Variants in CCT4 observed in about 807,000 individuals in gnomAD.
CCT4 encodes chaperonin containing TCP1 subunit 4.
A neutral mutation model predicts 62.5 loss-of-function variants in CCT4; 17 were observed. The ratio of observed to expected loss-of-function variants is 0.27; its 90% CI spans 0.19 to 0.41. The LOEUF is 0.41. Ranked by LOEUF, CCT4 falls within the 10% of genes least tolerant of loss-of-function variation. The pLI, the probability that CCT4 is intolerant of heterozygous loss-of-function variation, is 1.00. For synonymous variants in CCT4, 250 were observed against 229.9 expected (o/e 1.09, Z -0.79); for missense variants, 592 against 659.2 (o/e 0.90, Z 1.12).
chr2:61,870,601 T>G (rs1440255071), intron 12 of CCT4, among the ~76,000 whole-genome samples: 1 of 152,118 alleles, frequency 6.6e-6, no homozygotes, highest in African/African-American at 2.4e-5. Flanking sequence ...TCTTAAAATG[T>G]TCATGTCCTT....
intron 6 of CCT4, 76 bp from the exon 7 acceptor site, chr2:61,877,128 A>G: frequency 1.5e-6 from 2 of 1,309,820 alleles, no homozygotes; most frequent in African/African-American, 1.5e-5. Flanking sequence ...GAACAGATTA[A>G]AAGTCATCAG....
chr2:61,879,080 T>C, intron 4 of CCT4, 69 bp from the exon 5 acceptor site: 1 of 1,205,240 alleles, frequency 8.3e-7, no homozygotes, highest in Non-Finnish European at 1.2e-6. Context: ...GGCTTAAAAA[T>C]TTTCTACTCA....
chr2:61,868,677 A>G lies in CCT4; in HGVS notation c.*15T>C. The G allele has an allele frequency of 6.3e-7, 1 of 1,578,448 alleles. No individual in the cohort carries two copies. The highest frequency in any genetic ancestry group is 8.7e-7 in the Non-Finnish European group (1 of 1,147,666). On this transcript the variant is annotated 3_prime_UTR_variant, in exon 14 of 14. Coordinates refer to ENST00000394440, the MANE Select transcript of CCT4 (RefSeq NM_006430.4). ...CAATACTGGTGATCATAATGGTGCT[A>G]GTCAGTTATCCAGATTATCGAGTGT...
chr2:61,885,259 T>C (rs1669225743), intron 1 of CCT4, among the ~76,000 whole-genome samples, 187 bp from the exon 2 acceptor site: 1 of 151,998 alleles, frequency 6.6e-6, no homozygotes, highest in African/African-American at 2.4e-5. Context: ...TTTTTTCCCC[T>C]CAAATGATCA....
At chr2:61,882,215 G>A (rs1051075711) in intron 3 of CCT4, among the ~76,000 whole-genome samples, 7 of 152,134 alleles carry the variant, frequency 4.6e-5, no homozygotes, top group Admixed American at 2.0e-4. Flanking sequence ...TTACAGGCAC[G>A]AGCCACTGCG....
In CCT4 at chr2:61,876,112, T is replaced by A; in HGVS notation, c.900A>T (p.Ile300=). The A allele has an allele frequency of 6.2e-7, 1 of 1,604,468 alleles. No individual in the cohort carries two copies. The highest frequency in any genetic ancestry group is 8.5e-7 in the Non-Finnish European group (1 of 1,172,344). ...CCCCACACCTTAGAATAGATTTCTG[T>A]ATGAGAAGGACATTACATCCTGTTT... The part of the protein sequence containing the change: ...IKKTGCNVLL[I]QKSILRDALS... Residue 300 remains isoleucine, a synonymous_variant, in exon 8 of 14, where the codon ATA becomes ATT. Transcript: ENST00000394440.
At position 61,876,934 on chromosome 2, in the gene CCT4, C is replaced by T; in HGVS notation, c.763G>A (p.Ala255Thr). The stretch of plus-strand genomic sequence containing the variant: ...ATTCTACTTACGTCTGTTTTGGGAG[C>T]AGATAAGCAAAACTGAATAAGCCCA... ...KIGLIQFCLS[A>T]PKTDMDNQIV... is the part of the protein sequence containing the mutation. Residue 255 changes from alanine to threonine, a missense_variant, in exon 7 of 14, where the codon GCT becomes ACT. Around this residue, in one of 3 missense-constraint regions of CCT4, gnomAD observed 522 missense variants for 571.2 expected, o/e 0.91. Coordinates refer to ENST00000394440, the MANE Select transcript of CCT4 (RefSeq NM_006430.4). The T allele has an allele frequency of 6.2e-7, 1 of 1,611,122 alleles. No individual in the cohort carries two copies. The highest frequency in any genetic ancestry group is 2.2e-5 in the East Asian group (1 of 44,754).
intron 1 of CCT4, among the ~76,000 whole-genome samples, chr2:61,886,408 T>TC (rs1447831330): frequency 1.3e-5 from 2 of 152,096 alleles, no homozygotes; most frequent in African/African-American, 4.8e-5. Flanking sequence ...CAAGACAGAC[T>TC]CCATCTCAAC....
At chr2:61,879,198 T>C (rs1669060919) in intron 4 of CCT4, among the ~76,000 whole-genome samples, 187 bp from the exon 5 acceptor site, 1 of 151,426 alleles carries the variant, frequency 6.6e-6, no homozygotes, top group South Asian at 2.1e-4. Context: ...TTTACTTCCA[T>C]CCAACTTAAA....
At chr2:61,868,802 A>G in intron 13 of CCT4, 96 bp from the exon 14 acceptor site, 1 of 869,986 alleles carries the variant, frequency 1.1e-6, no homozygotes, top group Middle Eastern at 2.2e-4. Flanking sequence ...AACCTGTATT[A>G]AGAACTGCTG....
At chr2:61,877,580 C>A in intron 5 of CCT4, 66 bp from the exon 6 acceptor site, 4 of 1,223,548 alleles carry the variant, frequency 3.3e-6, no homozygotes, top group Non-Finnish European at 4.4e-6. Flanking sequence ...TTTTCAATGA[C>A]AAAGATACTT....
chr2:61,883,583 C>T, intron 2 of CCT4, 35 bp from the exon 3 acceptor site: 1 of 991,778 alleles, frequency 1.0e-6, no homozygotes, highest in Non-Finnish European at 1.6e-6. Context: ...ATTTCAATGT[C>T]ACACCTTAAT....
chr2:61,876,881 T>C (rs984393124), intron 7 of CCT4, 39 bp downstream of exon 7: 1 of 1,549,966 alleles, frequency 6.5e-7, no homozygotes, highest in Non-Finnish European at 8.7e-7. Context: ...TATTAAAAAG[T>C]TAAACACAGA....
intron 6 of CCT4, 94 bp downstream of exon 6, chr2:61,877,299 G>A: frequency 8.0e-7 from 1 of 1,252,140 alleles, no homozygotes; most frequent in East Asian, 2.3e-5. Flanking sequence ...AGAAAAGAGA[G>A]CTTTGTGACT....
At chr2:61,875,666 T>C (rs1182261021) in intron 8 of CCT4, among the ~76,000 whole-genome samples, 2 of 152,110 alleles carry the variant, frequency 1.3e-5, no homozygotes, top group African/African-American at 2.4e-5. Flanking sequence ...CTTGGCCCTG[T>C]TCCTTAAGGG....
chr2:61,888,297 A>C (rs1669306714), intron 1 of CCT4, 84 bp downstream of exon 1: 5 of 1,487,996 alleles, frequency 3.4e-6, no homozygotes, highest in Non-Finnish European at 4.5e-6. Flanking sequence ...AAGAAATGGG[A>C]AATGAGCCAA....
At position 61,888,372 on chromosome 2, in the gene CCT4, G is replaced by A. The variant is rs749456339; in HGVS notation, c.127+9C>T. On this transcript the variant is annotated intron_variant, in intron 1 of 13. Coordinates refer to ENST00000394440, the MANE Select transcript of CCT4 (RefSeq NM_006430.4). ...CGCGGCGCCGCGGGTCAGGCCATGAGAGTGATACCTTTGGCGGCGGAAATG... is the reference window on the plus strand; with the variant it reads ...CGCGGCGCCGCGGGTCAGGCCATGAAAGTGATACCTTTGGCGGCGGAAATG... 1.9e-6 allele frequency: 3 copies of A among 1,612,602 alleles called. No individual in the cohort carries two copies. The African/African-American group carries it at 4.0e-5, about 22-fold the overall frequency.
chr2:61,879,411 G>A (rs1358920698), intron 4 of CCT4, among the ~76,000 whole-genome samples: 1 of 147,606 alleles, frequency 6.8e-6, no homozygotes, highest in African/African-American at 2.5e-5. Flanking sequence ...ACAGACACAC[G>A]CCACCACACC....
intron 13 of CCT4, among the ~76,000 whole-genome samples, chr2:61,869,148 A>ACCAACCAACCAACC (rs1668832605): frequency 6.8e-6 from 1 of 147,164 alleles, no homozygotes; most frequent in African/African-American, 2.6e-5. Flanking sequence ...TCTCAGAAAA[A>ACCAACCAACCAACC]AAAAAAAAAA....
Sources: gnomAD v4.1 joint callset for allele counts (sites outside exome capture counted in the v4.1 genomes callset) on GRCh38, gnomAD v4.1.1 for gene constraint, gnomAD v4.1.1 regional missense constraint, MANE v1.5 for transcripts, NCBI Gene and HGNC (gene_info 2026-07-23, HGNC 2026-07-21) for gene names.